The following CNTN4 variants were observed in gnomAD, a reference collection of about 807,000 sequenced individuals.
CNTN4 encodes contactin-4.
In CNTN4, 77 loss-of-function variants were observed where a neutral mutation model predicts 122.5. That is an observed-to-expected ratio of 0.63 (90% CI 0.52 to 0.76). The LOEUF is 0.76. Ranked by LOEUF, CNTN4 falls within the 30% of genes least tolerant of loss-of-function variation. CNTN4 has a pLI of 0.00. For synonymous variants in CNTN4, 512 were observed against 447.0 expected (o/e 1.15, Z -1.83); for missense variants, 1,256 against 1,259.1 (o/e 1.00, Z 0.04).
rs368693487 is a variant in CNTN4, at chr3:2,323,853, CT to C, written c.-144-15324del. Among the ~76,000 whole-genome samples, 6 of 152,250 alleles carry C rather than the reference CT, an allele frequency of 3.9e-5. No individual in the cohort carries two copies. In the East Asian group the frequency reaches 9.7e-4, roughly 25 times the overall value. On this transcript the variant is annotated intron_variant, in intron 2 of 24. Coordinates refer to ENST00000418658, the MANE Select transcript of CNTN4 (RefSeq NM_175607.3). ...GGAGACAGTAAAGTTTAGTACTGGGCTCTATAATATGCTTGTGTGTTTTTGG... is the reference window on the plus strand; with the variant it reads ...GGAGACAGTAAAGTTTAGTACTGGGCCTATAATATGCTTGTGTGTTTTTGG...
intron 2 of CNTN4, among the ~76,000 whole-genome samples, chr3:2,303,790 G>A (rs2042608163): frequency 6.6e-6 from 1 of 152,120 alleles, no homozygotes; most frequent in Non-Finnish European, 1.5e-5. Context: ...TCCCACAGGC[G>A]CCTCTGATTC....
intron 2 of CNTN4, among the ~76,000 whole-genome samples, chr3:2,126,816 G>C (rs1431181067): frequency 6.6e-6 from 1 of 152,044 alleles, no homozygotes; most frequent in Non-Finnish European, 1.5e-5. Flanking sequence ...TAACTACTGG[G>C]GGTTTATCAA....
intron 3 of CNTN4, among the ~76,000 whole-genome samples, chr3:2,432,588 G>T (rs2151211137): frequency 6.6e-6 from 1 of 152,036 alleles, no homozygotes; most frequent in South Asian, 2.1e-4. Context: ...CTGTGTGTGT[G>T]TGTATGTGTG....
chr3:2,985,125 G>A (rs769866695), intron 13 of CNTN4: 5 of 152,144 alleles, frequency 3.3e-5, no homozygotes, highest in South Asian at 2.1e-4. Context: ...TTTAGCTTAC[G>A]CTAAATTATT....
intron 2 of CNTN4, among the ~76,000 whole-genome samples, chr3:2,189,142 C>A (rs2037405965): frequency 6.6e-6 from 1 of 152,128 alleles, no homozygotes; most frequent in Admixed American, 6.5e-5. Context: ...AATCCAGTTT[C>A]TTTATGACTC....
intron 17 of CNTN4, among the ~76,000 whole-genome samples, chr3:3,036,748 C>CAGAG (rs10617900): frequency 2.3e-3 from 330 of 144,880 alleles, no homozygotes; most frequent in African/African-American, 8.1e-3. Flanking sequence ...CCCTGGGCAT[C>CAGAG]AGAGAGAGAG....
chr3:2,190,184 T>C (rs189342257), intron 2 of CNTN4, among the ~76,000 whole-genome samples: 186 of 152,308 alleles, frequency 1.2e-3, no homozygotes, highest in African/African-American at 4.3e-3. Flanking sequence ...ACTAGAATGA[T>C]AATGGGCAAA....
intron 24 of CNTN4, 118 bp from the exon 25 acceptor site, chr3:3,056,002 T>C: frequency 1.4e-6 from 1 of 698,460 alleles, no homozygotes; most frequent in Middle Eastern, 3.4e-4. Context: ...CATTAAGACC[T>C]TGATCATCAT....
At chr3:2,367,452 A>T (rs1446308035) in intron 3 of CNTN4, among the ~76,000 whole-genome samples, 1 of 152,226 alleles carries the variant, frequency 6.6e-6, no homozygotes, top group Non-Finnish European at 1.5e-5. Flanking sequence ...GTTACGGTGT[A>T]CAGTGGATAA....
chr3:2,144,396 G>T (rs1350594295), intron 2 of CNTN4, among the ~76,000 whole-genome samples: 3 of 152,166 alleles, frequency 2.0e-5, no homozygotes, highest in African/African-American at 7.2e-5. Context: ...TAGTGTTTTA[G>T]ACTTTGTTGG....
chr3:2,251,499 A>G (rs958184401), intron 2 of CNTN4, among the ~76,000 whole-genome samples: 1 of 151,996 alleles, frequency 6.6e-6, no homozygotes, highest in African/African-American at 2.4e-5. Context: ...ATGTCTTTGC[A>G]TAATCAACGT....
intron 7 of CNTN4, among the ~76,000 whole-genome samples, chr3:2,834,345 AC>A (rs760766510): frequency 6.6e-6 from 1 of 152,090 alleles, no homozygotes; most frequent in African/African-American, 2.4e-5. Context: ...TGGGCAGATC[AC>A]TTGAGGTCAG....
At chr3:2,171,632 A>C (rs2036518219) in intron 2 of CNTN4, among the ~76,000 whole-genome samples, 1 of 152,204 alleles carries the variant, frequency 6.6e-6, no homozygotes, top group Non-Finnish European at 1.5e-5. Context: ...TCCTAAGCCA[A>C]ACCAATTCTT....
chr3:2,727,290 G>A lies in CNTN4; in HGVS notation c.56-8925G>A, dbSNP rs183323801. ...CTGGGTCAGCACTGCATAATCAAAC[G>A]CATTTCTAATTCTGCAGCAAAGCAT... On this transcript the variant is annotated intron_variant, in intron 4 of 24. Transcript: ENST00000418658. Among the ~76,000 whole-genome samples the A allele has an allele frequency of 4.6e-5, 7 of 152,270 alleles. 1 individual carries two copies. Among genetic ancestry groups the A allele is most frequent in the Middle Eastern group, 6.8e-3 (2 of 294 alleles).
intron 2 of CNTN4, among the ~76,000 whole-genome samples, chr3:2,338,891 C>T (rs1001800046): frequency 6.6e-6 from 1 of 152,052 alleles, no homozygotes; most frequent in East Asian, 1.9e-4. Flanking sequence ...TAAAATATTG[C>T]AGGCTCCTAG....
intron 7 of CNTN4, among the ~76,000 whole-genome samples, chr3:2,823,697 G>A (rs1362387114): frequency 2.6e-5 from 4 of 152,114 alleles, no homozygotes; most frequent in South Asian, 2.1e-4. Context: ...CCAAGCTCTC[G>A]TTAAATAGGA....
intron 2 of CNTN4, among the ~76,000 whole-genome samples, chr3:2,266,269 A>G (rs749840562): frequency 3.3e-5 from 5 of 152,062 alleles, no homozygotes; most frequent in Non-Finnish European, 5.9e-5. Flanking sequence ...AGTTTTCATC[A>G]TGAGGGCTGT....
intron 6 of CNTN4, among the ~76,000 whole-genome samples, chr3:2,809,529 T>C (rs1461578341): frequency 6.6e-6 from 1 of 152,188 alleles, no homozygotes; most frequent in Non-Finnish European, 1.5e-5. Flanking sequence ...GTCCATATTT[T>C]ATTCTGAAAT....
chr3:2,810,984 G>C lies in CNTN4; in HGVS notation c.359-8502G>C, dbSNP rs149046901. ...AATAAGTGTATTAAGGATTTCCATA[G>C]TGATGTTCATGGCTGCAGAATTAGA... On this transcript the variant is annotated intron_variant, in intron 6 of 24. Coordinates refer to ENST00000418658, the MANE Select transcript of CNTN4 (RefSeq NM_175607.3). Among the ~76,000 whole-genome samples the C allele has an allele frequency of 6.2e-3, 928 of 150,210 alleles. 6 individuals carry two copies. The highest frequency in any genetic ancestry group is 0.01 in the Non-Finnish European group (702 of 67,764).
Sources: allele counts gnomAD v4.1 joint callset (sites outside exome capture counted in the v4.1 genomes callset), GRCh38; gene constraint gnomAD v4.1.1; transcripts MANE v1.5; gene names NCBI Gene and HGNC (gene_info 2026-07-23, HGNC 2026-07-21).